PBX1: variants seen among roughly 807,000 people sequenced by gnomAD.
PBX1 encodes PBX homeobox 1.
Under a neutral mutation model 53.4 loss-of-function variants are expected in PBX1, and 6 were observed. That is an observed-to-expected ratio of 0.11 (90% confidence interval 0.06 to 0.22). PBX1 has a LOEUF of 0.22. Among genes scored for constraint, PBX1 ranks in the 10% least tolerant of loss-of-function variants. The probability of loss-of-function intolerance (pLI) is 1.00; values close to 1 mark genes in which losing one functional copy is unlikely to be tolerated. For synonymous variants in PBX1, 204 were observed against 212.3 expected, an observed-to-expected ratio of 0.96 and a Z score of 0.34; for missense variants, 251 against 551.4, an observed-to-expected ratio of 0.46 and a Z score of 5.46.
At chr1:164,721,837 A>G (rs773503351) in intron 2 of PBX1, among the ~76,000 whole-genome samples, 5 of 152,176 alleles carry the variant, frequency 3.3e-5, no homozygotes, top group Non-Finnish European at 5.9e-5. Context: ...CATGTTACCT[A>G]TTCCCTTTAC....
At chr1:164,876,950 C>T (rs1249808411) in intron 2 of PBX1, among the ~76,000 whole-genome samples, 1 of 152,210 alleles carries the variant, frequency 6.6e-6, no homozygotes, top group African/African-American at 2.4e-5. Flanking sequence ...CACAGCCCCG[C>T]AGAGCCTCGT....
chr1:164,640,005 G>T (rs1010596360), intron 2 of PBX1, among the ~76,000 whole-genome samples: 6 of 152,114 alleles, frequency 3.9e-5, no homozygotes, highest in African/African-American at 1.4e-4. Context: ...TGGCCTGATG[G>T]TATAGACGAA....
chr1:164,856,829 A>G (rs1571535737), downstream of PBX1, among the ~76,000 whole-genome samples: 2 of 152,324 alleles, frequency 1.3e-5, no homozygotes, highest in African/African-American at 4.8e-5. Flanking sequence ...CAGTGAGAAC[A>G]TTTCCAATTG....
intron 2 of PBX1, among the ~76,000 whole-genome samples, chr1:164,877,489 C>T (rs572933533): frequency 9.2e-5 from 14 of 152,070 alleles, no homozygotes; most frequent in African/African-American, 3.1e-4. Flanking sequence ...ATGGTGAAAC[C>T]GCCTGTCTCC....
intron 2 of PBX1, among the ~76,000 whole-genome samples, chr1:164,584,812 C>G (rs1284188260): frequency 1.3e-5 from 2 of 152,078 alleles, no homozygotes; most frequent in African/African-American, 2.4e-5. Flanking sequence ...ATCAAGGGCT[C>G]AGGTTCCAGT....
intron 2 of PBX1, among the ~76,000 whole-genome samples, chr1:164,656,160 C>A (rs1660151306): frequency 6.6e-6 from 1 of 152,144 alleles, no homozygotes; most frequent in Non-Finnish European, 1.5e-5. Context: ...TTGTTAGGAT[C>A]TATCGATATG....
At chr1:164,654,138 T>C (rs1660008507) in intron 2 of PBX1, among the ~76,000 whole-genome samples, 1 of 152,202 alleles carries the variant, frequency 6.6e-6, no homozygotes, top group African/African-American at 2.4e-5. Flanking sequence ...GTAGGGTGTC[T>C]AGCTCTAATA....
intron 6 of PBX1, chr1:164,819,829 A>G: frequency 2.6e-6 from 1 of 389,938 alleles, no homozygotes; most frequent in Admixed American, 4.3e-5. Flanking sequence ...TGAAGTTGCC[A>G]AGGGGAAGCA....
intron 2 of PBX1, among the ~76,000 whole-genome samples, chr1:164,696,396 A>G (rs765302173): frequency 2.6e-5 from 4 of 152,200 alleles, no homozygotes; most frequent in African/African-American, 7.2e-5. Flanking sequence ...GAGGTGGGAT[A>G]TGACTCAGTA....
At chr1:164,635,464 C>T (rs1658703321) in intron 2 of PBX1, among the ~76,000 whole-genome samples, 1 of 152,234 alleles carries the variant, frequency 6.6e-6, no homozygotes, top group Admixed American at 6.5e-5. Context: ...ATTAATGGTT[C>T]TCTTTCAGTG....
At chr1:164,640,841 A>G (rs1659098168) in intron 2 of PBX1, among the ~76,000 whole-genome samples, 1 of 152,100 alleles carries the variant, frequency 6.6e-6, no homozygotes, top group Admixed American at 6.6e-5. Context: ...TACAGGCATG[A>G]GCCACTGCAG....
At chr1:164,706,199 A>G (rs553263300) in intron 2 of PBX1, among the ~76,000 whole-genome samples, 5 of 150,068 alleles carry the variant, frequency 3.3e-5, no homozygotes, top group Non-Finnish European at 7.4e-5. Flanking sequence ...GTGTCTTTTC[A>G]CCTCTTCTTG....
chr1:164,665,727 C>T (rs1005921108), intron 2 of PBX1, among the ~76,000 whole-genome samples: 10 of 152,230 alleles, frequency 6.6e-5, no homozygotes, highest in African/African-American at 2.4e-4. Flanking sequence ...CTTCTAGCAG[C>T]CAGGACACTC....
intron 2 of PBX1, among the ~76,000 whole-genome samples, chr1:164,753,979 CTT>C (rs1666362114): frequency 6.6e-6 from 1 of 152,116 alleles, no homozygotes; most frequent in African/African-American, 2.4e-5. Flanking sequence ...GGTCAGTACT[CTT>C]TGTTGTCATT....
At chr1:164,776,350 G>C (rs970637538) in intron 2 of PBX1, among the ~76,000 whole-genome samples, 2 of 152,158 alleles carry the variant, frequency 1.3e-5, no homozygotes, top group African/African-American at 4.8e-5. Flanking sequence ...GAACAGAAAA[G>C]CTGCTCTGGA....
At chr1:164,641,743 T>C (rs1557910194) in intron 2 of PBX1, 1 of 152,238 alleles carries the variant, frequency 6.6e-6, no homozygotes, top group Non-Finnish European at 1.5e-5. Context: ...CAGAGAATAC[T>C]GTGAGAAAGG....
intron 2 of PBX1, among the ~76,000 whole-genome samples, chr1:164,764,201 G>T (rs541020411): frequency 1.2e-3 from 182 of 152,234 alleles, no homozygotes; most frequent in Non-Finnish European, 4.9e-4. Flanking sequence ...TTCTATATCA[G>T]TTGCCCTAAA....
intron 2 of PBX1, among the ~76,000 whole-genome samples, chr1:164,574,667 G>A (rs899434370): frequency 1.3e-5 from 2 of 152,016 alleles, no homozygotes; most frequent in African/African-American, 4.8e-5. Flanking sequence ...AAACTGAGAG[G>A]GAAAAAAATA....
chr1:164,640,647 C>A (rs139745998), intron 2 of PBX1, among the ~76,000 whole-genome samples: 2 of 151,084 alleles, frequency 1.3e-5, no homozygotes, highest in African/African-American at 4.9e-5. Flanking sequence ...ACCTCTGCCT[C>A]CCAGGGTCAA....
Sources: allele counts gnomAD v4.1 joint callset (sites outside exome capture counted in the v4.1 genomes callset), GRCh38; gene constraint gnomAD v4.1.1; transcripts MANE v1.5; gene names NCBI Gene and HGNC (gene_info 2026-07-23, HGNC 2026-07-21).